Variants in SLC30A10 observed in about 807,000 individuals in gnomAD.
The protein encoded by SLC30A10 is calcium/manganese antiporter SLC30A10.
SLC30A10 carries 8 observed loss-of-function variants against 21.7 expected under a neutral mutation model. The ratio of observed to expected loss-of-function variants is 0.37; its 90% CI spans 0.22 to 0.67. The LOEUF is 0.67. Ranked by LOEUF, SLC30A10 falls within the 30% of genes least tolerant of loss-of-function variation. The pLI, the probability that SLC30A10 is intolerant of heterozygous loss-of-function variation, is 0.58. For missense variants in SLC30A10, 521 were observed against 642.5 expected, an observed-to-expected ratio of 0.81 and a Z score of 2.04; for synonymous variants, 272 against 279.4, an observed-to-expected ratio of 0.97 and a Z score of 0.26.
intron 1 of SLC30A10, among the ~76,000 whole-genome samples, chr1:219,938,036 A>G (rs2102541336): frequency 6.6e-6 from 1 of 151,492 alleles, no homozygotes; most frequent in East Asian, 1.9e-4. Flanking sequence ...TCTTCAATGT[A>G]TTTTTTCTTC....
chr1:219,943,307 C>A (rs1660144575), intron 1 of SLC30A10, among the ~76,000 whole-genome samples: 1 of 152,164 alleles, frequency 6.6e-6, no homozygotes, highest in Admixed American at 6.5e-5. Flanking sequence ...CCTGCTTCTT[C>A]TAGTCAGGAT....
chr1:219,950,445 C>T (rs562829220), intron 1 of SLC30A10, among the ~76,000 whole-genome samples: 1 of 152,014 alleles, frequency 6.6e-6, no homozygotes, highest in South Asian at 2.1e-4. Flanking sequence ...CGAGACCATC[C>T]TGGCTAACAC....
chr1:219,940,181 G>A (rs1660102480), intron 1 of SLC30A10, among the ~76,000 whole-genome samples: 1 of 152,136 alleles, frequency 6.6e-6, no homozygotes, highest in South Asian at 2.1e-4. Flanking sequence ...ACTCATGCTT[G>A]AAACGCTGAG....
Position 219,914,906 on chromosome 1 carries a change from A to G in SLC30A10, c.*543T>C, listed in dbSNP as rs909919322. ...ATGTTCTGAGAATATTTTCTACCTT[A>G]ATAGTTATTCATTTTATATTTATTC... On this transcript the variant is annotated 3_prime_UTR_variant, in exon 4 of 4. Coordinates refer to ENST00000366926, the MANE Select transcript of SLC30A10 (RefSeq NM_018713.3). 3.9e-5 allele frequency: 6 copies of G among 153,756 alleles called. No individual in the cohort carries two copies. The highest frequency in any genetic ancestry group is 1.3e-4 in the Admixed American group (2 of 15,556). The allele number at this position is 153,756 out of a possible 1,614,324, so 9.5% of individuals were successfully genotyped here.
chr1:219,928,490 C>T lies in SLC30A10; in HGVS notation c.-50G>A. The T allele has an allele frequency of 2.1e-6, 3 of 1,455,956 alleles. No homozygotes were observed. Among genetic ancestry groups the T allele is most frequent in the Non-Finnish European group, 1.8e-6 (2 of 1,111,376 alleles). 90.2% of individuals were successfully genotyped at this position (1,455,956 alleles called of 1,614,324 possible). ...GCGCCGCCCAGGGGAGCGCAGCCCA[C>T]CCCGCGCGCAGCCACAGGTGGGGGG... On this transcript the variant is annotated 5_prime_UTR_variant, in exon 1 of 4. The change creates a new upstream start codon in the 5' untranslated region. Coordinates refer to ENST00000366926, the MANE Select transcript of SLC30A10 (RefSeq NM_018713.3). This position sits in a 1 kb window ranked among gnomAD's most constrained non-coding sequence, Gnocchi z 6.3.
At chr1:219,926,930 A>T (rs930586481) in intron 2 of SLC30A10, 98 bp downstream of exon 2, 3 of 948,166 alleles carry the variant, frequency 3.2e-6, no homozygotes, top group Non-Finnish European at 5.0e-6. Context: ...CCTACTTTCA[A>T]ACACACCTTT....
At chr1:219,921,504 A>C (rs2102528703) in intron 2 of SLC30A10, among the ~76,000 whole-genome samples, 1 of 152,326 alleles carries the variant, frequency 6.6e-6, no homozygotes, top group East Asian at 1.9e-4. Flanking sequence ...CCCCCTAAGA[A>C]TTACATAAAA....
chr1:219,917,708 C>CTTTTTTTTTTTTTTTTTTTTTTT (rs35106027), intron 3 of SLC30A10, among the ~76,000 whole-genome samples: 2 of 104,106 alleles, frequency 1.9e-5, no homozygotes, highest in African/African-American at 8.2e-5. Context: ...TTTTTCTTTC[C>CTTTTTTTTTTTTTTTTTTTTTTT]TTTTTTTTTT....
At chr1:219,948,332 G>T (rs1423521968) in intron 1 of SLC30A10, among the ~76,000 whole-genome samples, 4 of 151,796 alleles carry the variant, frequency 2.6e-5, no homozygotes, top group Non-Finnish European at 5.9e-5. Context: ...GAACAAAGCT[G>T]GAGGCATCAC....
upstream of SLC30A10, among the ~76,000 whole-genome samples, chr1:219,930,926 A>C (rs1247933836): frequency 1.3e-5 from 2 of 152,234 alleles, no homozygotes; most frequent in East Asian, 3.8e-4. Context: ...ATACTACAGC[A>C]CATGTGTGAT....
chr1:219,922,702 G>A (rs1240133218), intron 2 of SLC30A10, among the ~76,000 whole-genome samples: 2 of 152,156 alleles, frequency 1.3e-5, no homozygotes, highest in Non-Finnish European at 2.9e-5. Flanking sequence ...GTTCTGTAGA[G>A]TATGTAAAAA....
At chr1:219,922,581 C>T (rs148545664) in intron 2 of SLC30A10, among the ~76,000 whole-genome samples, 12 of 152,098 alleles carry the variant, frequency 7.9e-5, no homozygotes, top group African/African-American at 2.4e-4. Context: ...CAGACCCTGA[C>T]GCTGTTGCTA....
At chr1:219,931,510 C>T (rs557961562), upstream of SLC30A10, among the ~76,000 whole-genome samples, 1 of 152,180 alleles carries the variant, frequency 6.6e-6, no homozygotes, top group East Asian at 1.9e-4. Context: ...AAGACAGAGT[C>T]TACTCTGTTA....
At chr1:219,938,838 G>A (rs1660080296) in intron 1 of SLC30A10, among the ~76,000 whole-genome samples, 1 of 152,156 alleles carries the variant, frequency 6.6e-6, no homozygotes, top group African/African-American at 2.4e-5. Flanking sequence ...TTGAGCCTGT[G>A]GTAAGCAGCT....
At chr1:219,941,553 C>T (rs12760531) in intron 1 of SLC30A10, among the ~76,000 whole-genome samples, 48 of 35,086 alleles carry the variant, frequency 1.4e-3, no homozygotes, top group African/African-American at 4.8e-3. Context: ...TCCTTCTTTC[C>T]TTCCTTCCTT....
rs1187318572 is a variant in SLC30A10, at chr1:219,925,725, G to A, written c.718+1303C>T. ...GGCTGGAGTGCAGTGGTACAATCTC[G>A]GCTCACTGCAACCTCCACCTCTGGG... On this transcript the variant is annotated intron_variant, in intron 2 of 3. Transcript: ENST00000366926. Among the ~76,000 whole-genome samples the A allele has an allele frequency of 6.2e-5, 8 of 129,114 alleles. No homozygotes were observed. In the East Asian group the frequency reaches 7.8e-4, roughly 13 times the overall value. The allele number at this position is 129,114 out of a possible 152,430, so 84.7% of individuals were successfully genotyped here. A position where few individuals can be genotyped will look rare whatever the true frequency, so the allele number is the denominator to read the frequency against.
chr1:219,955,095 A>C (rs929662751), intron 1 of SLC30A10, among the ~76,000 whole-genome samples: 8 of 152,206 alleles, frequency 5.3e-5, no homozygotes, highest in African/African-American at 1.7e-4. Flanking sequence ...AAACGTTAAC[A>C]AAAGGAGTCC....
intron 1 of SLC30A10, among the ~76,000 whole-genome samples, chr1:219,936,091 G>A (rs1660041724): frequency 2.0e-5 from 3 of 152,098 alleles, no homozygotes; most frequent in Admixed American, 2.0e-4. Context: ...CAAAATGAGA[G>A]GCTGTTTTGA....
chr1:219,918,499 CA>C lies in SLC30A10; in HGVS notation c.719-6del, dbSNP rs1444484461. On this transcript the variant is annotated splice_polypyrimidine_tract_variant and splice_region_variant and intron_variant, in intron 2 of 3. Transcript: ENST00000366926. This position sits in a 1 kb window ranked among gnomAD's most constrained non-coding sequence, Gnocchi z 4.4. ...CCATCACATGCAAAAGTACACCTGC[CA>C]GGAAGAAAGACTACTGCAGCACAGA... The C allele has an allele frequency of 6.3e-7, 1 of 1,588,606 alleles. No homozygotes were observed. Among genetic ancestry groups the C allele is most frequent in the South Asian group, 1.1e-5 (1 of 87,184 alleles).
Sources: allele counts gnomAD v4.1 joint callset (sites outside exome capture counted in the v4.1 genomes callset), GRCh38; gene constraint gnomAD v4.1.1; non-coding constraint Gnocchi (gnomAD v3.1); transcripts MANE v1.5; gene names NCBI Gene and HGNC (gene_info 2026-07-23, HGNC 2026-07-21).